COL4A5: variants seen among roughly 807,000 people sequenced by gnomAD.
COL4A5 encodes collagen type IV alpha 5 chain, also known as collagen alpha-5(IV) chain.
In COL4A5, 26 loss-of-function variants were observed where a neutral mutation model predicts 130.2. The ratio of observed to expected loss-of-function variants is 0.20; its 90% CI spans 0.15 to 0.28. COL4A5 has a LOEUF of 0.28. Ranked by LOEUF, COL4A5 falls within the 10% of genes least tolerant of loss-of-function variation. The pLI, the probability that COL4A5 is intolerant of heterozygous loss-of-function variation, is 1.00. For synonymous variants in COL4A5, 496 were observed against 439.6 expected, an observed-to-expected ratio of 1.13 and a Z score of -1.60; for missense variants, 1,131 against 1,344.3, an observed-to-expected ratio of 0.84 and a Z score of 2.48.
intron 37 of COL4A5, among the ~76,000 whole-genome samples, chrX:108,664,365 TG>T (rs904587558): frequency 9.0e-6 from 1 of 111,504 alleles, no homozygotes; most frequent in African/African-American, 3.3e-5. Context: ...GATATTCGTA[TG>T]GGGAAAAAAC....
chrX:108,560,353 C>T lies in COL4A5; in HGVS notation c.231+1200C>T, dbSNP rs182275943. 4.4e-5 allele frequency among the ~76,000 whole-genome samples: 5 copies of T among 112,382 alleles called. No individual in the cohort carries two copies. In the East Asian group the frequency reaches 1.4e-3, roughly 32 times the overall value. On this transcript the variant is annotated intron_variant, in intron 3 of 52. Coordinates refer to ENST00000328300, the MANE Select transcript of COL4A5 (RefSeq NM_033380.3). ...TGAGGTGCTGGCAATTCCAGAGACC[C>T]CTCACAGTTGGCCAGCAGGCAGCTA...
rs146178925 is a variant in COL4A5 at position 108,471,514 on chromosome X, C to T, written c.81+31308C>T. Among the ~76,000 whole-genome samples the T allele has an allele frequency of 8.4e-3, 932 of 111,607 alleles. 7 individuals are homozygous for T. The highest frequency in any genetic ancestry group is 0.015 in the Non-Finnish European group (773 of 53,042). ...TTGTAACCTGAAACTTTACTGAACTCGTTTGTCAGCTCTAGGAGCCTTTTG... is the reference window on the plus strand; with the variant it reads ...TTGTAACCTGAAACTTTACTGAACTTGTTTGTCAGCTCTAGGAGCCTTTTG... On this transcript the variant is annotated intron_variant, in intron 1 of 52. Coordinates refer to ENST00000328300, the MANE Select transcript of COL4A5 (RefSeq NM_033380.3).
intron 43 of COL4A5, among the ~76,000 whole-genome samples, chrX:108,676,205 T>C (rs1249784121): frequency 8.9e-6 from 1 of 112,640 alleles, no homozygotes; most frequent in Non-Finnish European, 1.9e-5. Context: ...GTGCCTATTA[T>C]AGTTCCTCAA....
intron 38 of COL4A5, 92 bp downstream of exon 38, chrX:108,665,679 T>C: frequency 1.6e-6 from 1 of 609,025 alleles, no homozygotes; most frequent in Non-Finnish European, 2.7e-6. Flanking sequence ...GCTGTGAACA[T>C]TTTCAACACA....
At chrX:108,673,263 C>T (rs1394802738) in intron 42 of COL4A5, among the ~76,000 whole-genome samples, 4 of 111,471 alleles carry the variant, frequency 3.6e-5, no homozygotes, top group African/African-American at 1.3e-4. Flanking sequence ...AAACCATACT[C>T]AGAAAGATTG....
chrX:108,646,338 A>G (rs1481150461), intron 36 of COL4A5, among the ~76,000 whole-genome samples: 108 of 111,903 alleles, frequency 9.7e-4, no homozygotes, highest in African/African-American at 3.3e-3. Flanking sequence ...CAGTGAGGAT[A>G]AGCATTTTTT....
At chrX:108,533,946 A>G (rs1043035457) in intron 1 of COL4A5, among the ~76,000 whole-genome samples, 3 of 111,581 alleles carry the variant, frequency 2.7e-5, no homozygotes, top group African/African-American at 9.7e-5. Context: ...AAAATGCTCA[A>G]CATCGCTAAT....
In COL4A5 at chrX:108,650,455, A is replaced by C. The variant is rs181728350; in HGVS notation, c.3247-4876A>C. Among the ~76,000 whole-genome samples the C allele has an allele frequency of 1.7e-4, 19 of 111,351 alleles. 1 individual carries two copies. In the Admixed American group the frequency reaches 1.8e-3, roughly 11 times the overall value. ...CTCAGAGGAAAATAAGTCATTATAC[A>C]AAAAAAAGATAATTGCACACGCATG... On this transcript the variant is annotated intron_variant, in intron 36 of 52. Transcript: ENST00000328300.
intron 1 of COL4A5, among the ~76,000 whole-genome samples, chrX:108,509,416 C>A (rs1481100660): frequency 9.0e-6 from 1 of 111,534 alleles, no homozygotes; most frequent in Non-Finnish European, 1.9e-5. Flanking sequence ...GAACTTGTAC[C>A]CCTGAACTAA....
At chrX:108,549,806 A>G (rs1453349442) in intron 2 of COL4A5, among the ~76,000 whole-genome samples, 1 of 111,611 alleles carries the variant, frequency 9.0e-6, no homozygotes, top group Non-Finnish European at 1.9e-5. Context: ...AAAGATGATA[A>G]GAAAATAGAA....
chrX:108,534,963 T>C (rs1314221570), intron 1 of COL4A5, among the ~76,000 whole-genome samples: 1 of 110,771 alleles, frequency 9.0e-6, no homozygotes, highest in Non-Finnish European at 1.9e-5. Flanking sequence ...TCTTCCTCAC[T>C]CTTTCTTCCA....
At chrX:108,635,294 A>G (rs1042039388) in intron 36 of COL4A5, among the ~76,000 whole-genome samples, 1 of 111,449 alleles carries the variant, frequency 9.0e-6, no homozygotes, top group African/African-American at 3.3e-5. Flanking sequence ...ATAAAAAAGA[A>G]AAAAAAGGAA....
rs772127254 is a variant in COL4A5 at position 108,632,395 on chromosome X, A to G, written c.3246+6046A>G. ...GATGGATTCACAGCCGAATTCTACC[A>G]GAGATACAAAGAGGAGCTGGTACCA... On this transcript the variant is annotated intron_variant, in intron 36 of 52. Transcript: ENST00000328300. 2.6e-3 allele frequency among the ~76,000 whole-genome samples: 291 copies of G among 111,506 alleles called. 2 individuals carry two copies. Among genetic ancestry groups the G allele is most frequent in the African/African-American group, 9.2e-3 (281 of 30,667 alleles).
intron 1 of COL4A5, among the ~76,000 whole-genome samples, chrX:108,471,355 A>G: frequency 9.0e-6 from 1 of 111,430 alleles, no homozygotes; most frequent in Non-Finnish European, 1.9e-5. Context: ...TTGTAGAGAT[A>G]TTTCACCTCC....
chrX:108,617,893 C>T (rs1801081181), intron 30 of COL4A5, among the ~76,000 whole-genome samples: 1 of 111,415 alleles, frequency 9.0e-6, no homozygotes, highest in African/African-American at 3.3e-5. Context: ...ACAGCAAAAC[C>T]CTAGGAATTG....
At chrX:108,573,691 A>G (rs757387962) in intron 9 of COL4A5, 37 bp downstream of exon 9, 4 of 934,731 alleles carry the variant, frequency 4.3e-6, no homozygotes, top group Non-Finnish European at 4.7e-6. Context: ...TGCTATATTG[A>G]TTAAACCAGA....
chrX:108,571,107 C>T (rs756484753), intron 6 of COL4A5, among the ~76,000 whole-genome samples: 1 of 111,830 alleles, frequency 8.9e-6, no homozygotes, highest in African/African-American at 3.2e-5. Flanking sequence ...AGATCATTAA[C>T]TATTAAATGT....
chrX:108,495,147 G>C (rs1325659781), intron 1 of COL4A5, among the ~76,000 whole-genome samples: 1 of 110,489 alleles, frequency 9.1e-6, no homozygotes, highest in Non-Finnish European at 1.9e-5. Context: ...AAATGATTCT[G>C]GAACAATTGA....
At chrX:108,445,097 C>A (rs759152022) in intron 1 of COL4A5, among the ~76,000 whole-genome samples, 11 of 110,920 alleles carry the variant, frequency 9.9e-5, no homozygotes, top group African/African-American at 3.6e-4. Flanking sequence ...AATGTTAAAT[C>A]AATTTTAGAT....
Sources: allele counts gnomAD v4.1 joint callset (sites outside exome capture counted in the v4.1 genomes callset), GRCh38; gene constraint gnomAD v4.1.1; transcripts MANE v1.5; gene names NCBI Gene and HGNC (gene_info 2026-07-23, HGNC 2026-07-21).